Variants in FHIT observed in about 807,000 individuals in gnomAD.
The protein encoded by FHIT is fragile histidine triad diadenosine triphosphatase.
Under a neutral mutation model 17.9 loss-of-function variants are expected in FHIT, and 19 were observed. That is an observed-to-expected ratio of 1.06 (90% confidence interval 0.74 to 1.56). FHIT has a LOEUF of 1.56. FHIT is among the 40% of genes most tolerant of loss of function. The probability of loss-of-function intolerance (pLI) is 0.00; values close to 1 mark genes in which losing one functional copy is unlikely to be tolerated. For missense variants in FHIT, 248 were observed against 189.2 expected (o/e 1.31, Z -1.82); for synonymous variants, 81 against 69.7 (o/e 1.16, Z -0.81).
At chr3:60,216,301 G>A (rs1703695211) in intron 5 of FHIT, among the ~76,000 whole-genome samples, 1 of 152,192 alleles carries the variant, frequency 6.6e-6, no homozygotes, top group Admixed American at 6.5e-5. Context: ...TAGGACAGCT[G>A]CATGCAATTC....
intron 8 of FHIT, among the ~76,000 whole-genome samples, chr3:59,873,045 C>T (rs1702993023): frequency 6.6e-6 from 1 of 152,224 alleles, no homozygotes; most frequent in South Asian, 2.1e-4. Context: ...AATCACATAG[C>T]TGGGTTAGAG....
At chr3:60,358,114 A>G (rs1167501309) in intron 5 of FHIT, among the ~76,000 whole-genome samples, 3 of 152,206 alleles carry the variant, frequency 2.0e-5, no homozygotes, top group African/African-American at 7.2e-5. Context: ...AAAGAAGGCA[A>G]TGCACCTTAT....
At chr3:60,520,053 A>G (rs116229578) in intron 5 of FHIT, among the ~76,000 whole-genome samples, 1,837 of 152,296 alleles carry the variant, frequency 0.012, 40 homozygotes, top group African/African-American at 0.042. Context: ...ATGATTTCAT[A>G]CACCATCTTT....
At chr3:60,244,104 G>C (rs537780712) in intron 5 of FHIT, among the ~76,000 whole-genome samples, 1 of 152,104 alleles carries the variant, frequency 6.6e-6, no homozygotes, top group African/African-American at 2.4e-5. Context: ...TATATTAAAA[G>C]TGGCTTTTCT....
At chr3:60,507,696 A>G (rs1359337606) in intron 5 of FHIT, among the ~76,000 whole-genome samples, 1 of 152,064 alleles carries the variant, frequency 6.6e-6, no homozygotes, top group Admixed American at 6.6e-5. Flanking sequence ...GATAAGCCCC[A>G]GTATACATTG....
intron 8 of FHIT, among the ~76,000 whole-genome samples, chr3:59,815,927 T>C (rs1700584886): frequency 1.3e-5 from 2 of 151,820 alleles, no homozygotes; most frequent in Admixed American, 1.3e-4. Context: ...CAAGCAGAAA[T>C]AATAAGGAAA....
intron 4 of FHIT, among the ~76,000 whole-genome samples, chr3:60,692,197 G>A (rs560559634): frequency 2.4e-4 from 36 of 152,206 alleles, no homozygotes; most frequent in Admixed American, 2.1e-3. Context: ...CAAGGCCCTC[G>A]TAGTTTCAGC....
chr3:60,091,193 G>C (rs1354045748), intron 5 of FHIT, among the ~76,000 whole-genome samples: 1 of 152,138 alleles, frequency 6.6e-6, no homozygotes, highest in Non-Finnish European at 1.5e-5. Flanking sequence ...TATCAGGCAG[G>C]TGAACAGTTT....
chr3:60,727,948 G>A (rs62249302), intron 4 of FHIT, among the ~76,000 whole-genome samples: 11,343 of 152,242 alleles, frequency 0.075, 738 homozygotes, highest in African/African-American at 0.17. Context: ...AGCTTGCAGT[G>A]AGCCGAGATC....
chr3:60,878,172 G>T (rs1024009956), intron 3 of FHIT, among the ~76,000 whole-genome samples: 1 of 152,012 alleles, frequency 6.6e-6, no homozygotes, highest in Non-Finnish European at 1.5e-5. Context: ...CTGAATCAAA[G>T]CTGGTAGGGG....
At chr3:61,121,709 T>A (rs557082386) in intron 2 of FHIT, among the ~76,000 whole-genome samples, 2 of 152,304 alleles carry the variant, frequency 1.3e-5, no homozygotes, top group African/African-American at 4.8e-5. Context: ...CCAGCTTGCA[T>A]CATAAAGACA....
intron 4 of FHIT, among the ~76,000 whole-genome samples, chr3:60,798,132 A>G (rs1215366666): frequency 6.6e-6 from 1 of 152,206 alleles, no homozygotes; most frequent in Non-Finnish European, 1.5e-5. Flanking sequence ...AATCACAGAC[A>G]ATGCATAAGT....
intron 3 of FHIT, among the ~76,000 whole-genome samples, chr3:60,828,449 A>T (rs782640758): frequency 2.4e-4 from 37 of 152,156 alleles, no homozygotes; most frequent in Non-Finnish European, 4.4e-4. Flanking sequence ...ATACTTTGTT[A>T]TATGTGCCAG....
At chr3:60,734,261 T>A (rs905098034) in intron 4 of FHIT, among the ~76,000 whole-genome samples, 1 of 152,200 alleles carries the variant, frequency 6.6e-6, no homozygotes, top group African/African-American at 2.4e-5. Context: ...ATCGTGTCCA[T>A]CTTGTTTATT....
At chr3:60,485,832 C>A (rs1227451421) in intron 5 of FHIT, among the ~76,000 whole-genome samples, 1 of 152,034 alleles carries the variant, frequency 6.6e-6, no homozygotes, top group Non-Finnish European at 1.5e-5. Context: ...CCTTGAAATT[C>A]CTTGAATAAT....
chr3:61,210,595 C>T (rs1185464785), intron 1 of FHIT, among the ~76,000 whole-genome samples: 1 of 152,198 alleles, frequency 6.6e-6, no homozygotes, highest in African/African-American at 2.4e-5. Flanking sequence ...GGGCGTAGGG[C>T]CCTCCGAGCC....
At chr3:60,810,165 G>C (rs1701530603) in intron 4 of FHIT, among the ~76,000 whole-genome samples, 1 of 152,142 alleles carries the variant, frequency 6.6e-6, no homozygotes, top group Non-Finnish European at 1.5e-5. Context: ...TATGGCACAA[G>C]AAAATGAGCC....
rs183796883 is a variant in FHIT at position 61,187,563 on chromosome 3, G to T, written c.-164+13054C>A. On this transcript the variant is annotated intron_variant, in intron 2 of 9. Coordinates refer to ENST00000492590, the MANE Select transcript of FHIT (RefSeq NM_002012.4). ...CAAGGATATCCAGGAATTGAACTCA[G>T]CTCTGCAGCAAGCGGACCTAATAGA... is the stretch of plus-strand genomic sequence containing the variant. Among the ~76,000 whole-genome samples, 3 of 152,182 alleles carry T rather than the reference G, an allele frequency of 2.0e-5. No homozygotes were observed. In the East Asian group the frequency reaches 5.8e-4, roughly 29 times the overall value.
chr3:60,324,667 T>C (rs1709600620), intron 5 of FHIT, among the ~76,000 whole-genome samples: 1 of 152,034 alleles, frequency 6.6e-6, no homozygotes, highest in African/African-American at 2.4e-5. Context: ...CTAAGCATGG[T>C]TATGAACAAA....
Sources: gnomAD v4.1 joint callset for allele counts (sites outside exome capture counted in the v4.1 genomes callset) on GRCh38, gnomAD v4.1.1 for gene constraint, MANE v1.5 for transcripts, NCBI Gene and HGNC (gene_info 2026-07-23, HGNC 2026-07-21) for gene names.